Variants in VEPH1 observed in about 807,000 individuals in gnomAD.
The protein encoded by VEPH1 is ventricular zone expressed PH domain containing 1.
Under a neutral mutation model 85.2 loss-of-function variants are expected in VEPH1, and 80 were observed. That is an observed-to-expected ratio of 0.94 (90% CI 0.78 to 1.13). VEPH1 has a LOEUF of 1.13. VEPH1 is among the 50% of genes most tolerant of loss of function. The pLI, the probability that VEPH1 is intolerant of heterozygous loss-of-function variation, is 0.00. For missense variants in VEPH1, 955 were observed against 980.5 expected (o/e 0.97, Z 0.35); for synonymous variants, 297 against 348.0 (o/e 0.85, Z 1.63).
rs898358776 is a variant in VEPH1, at chr3:157,363,822, G to T, written c.1338-61C>A. On this transcript the variant is annotated intron_variant, in intron 8 of 13. Transcript: ENST00000362010. ...TGTTACCATTCACTGACAAGGAAAA[G>T]AAATAATAATAATATTGGGACAAAA... The T allele has an allele frequency of 2.8e-5, 43 of 1,548,956 alleles. No homozygotes were observed. The East Asian group carries it at 3.6e-4, about 13-fold the overall frequency.
At chr3:157,301,654 T>C (rs1399405338) in intron 11 of VEPH1, among the ~76,000 whole-genome samples, 3 of 152,240 alleles carry the variant, frequency 2.0e-5, no homozygotes, top group African/African-American at 4.8e-5. Context: ...TGGACACTTA[T>C]CTTGATTTGG....
chr3:157,306,815 A>G (rs1719560523), intron 11 of VEPH1, among the ~76,000 whole-genome samples: 1 of 152,024 alleles, frequency 6.6e-6, no homozygotes, highest in Non-Finnish European at 1.5e-5. Context: ...TGCACCCTTC[A>G]TCTAAATAAT....
intron 2 of VEPH1, 24 bp downstream of exon 2, chr3:157,495,188 T>C (rs1376889020): frequency 2.5e-6 from 4 of 1,610,418 alleles, no homozygotes; most frequent in Non-Finnish European, 8.5e-7. Flanking sequence ...TTCAGAGATG[T>C]AGTCTATAAA....
intron 2 of VEPH1, chr3:157,493,277 C>T (rs1387191109): frequency 2.2e-6 from 1 of 456,308 alleles, no homozygotes; most frequent in East Asian, 7.0e-5. Flanking sequence ...TAGACGATCC[C>T]TTCCTGTTCT....
intron 9 of VEPH1, among the ~76,000 whole-genome samples, chr3:157,330,824 G>T (rs554950574): frequency 6.6e-6 from 1 of 152,296 alleles, no homozygotes; most frequent in Non-Finnish European, 1.5e-5. Flanking sequence ...GGTTAACTGA[G>T]GTTCCGAGGC....
intron 6 of VEPH1, among the ~76,000 whole-genome samples, chr3:157,387,857 T>C (rs1457328242): frequency 6.6e-6 from 1 of 152,190 alleles, no homozygotes; most frequent in East Asian, 1.9e-4. Flanking sequence ...CCTTGGATGA[T>C]TCAGATGTGC....
intron 12 of VEPH1, among the ~76,000 whole-genome samples, chr3:157,268,357 G>C (rs1287706330): frequency 6.6e-6 from 1 of 152,030 alleles, no homozygotes; most frequent in African/African-American, 2.4e-5. Flanking sequence ...AGACTATCTG[G>C]GATGAGGAAA....
chr3:157,277,088 G>A (rs1715496681), intron 12 of VEPH1, among the ~76,000 whole-genome samples: 1 of 152,060 alleles, frequency 6.6e-6, no homozygotes, highest in Non-Finnish European at 1.5e-5. Flanking sequence ...ATGGGGTTAT[G>A]CCATATTGCT....
intron 2 of VEPH1, among the ~76,000 whole-genome samples, chr3:157,484,083 T>C (rs1205323519): frequency 2.6e-5 from 4 of 152,014 alleles, no homozygotes; most frequent in African/African-American, 9.7e-5. Flanking sequence ...AAATATTAAC[T>C]AGAGAGAAAA....
intron 9 of VEPH1, among the ~76,000 whole-genome samples, chr3:157,342,134 CA>C (rs1256085165): frequency 6.6e-6 from 1 of 152,138 alleles, no homozygotes; most frequent in Non-Finnish European, 1.5e-5. Context: ...GCAAAATAAC[CA>C]GCTAACATCA....
chr3:157,480,442 C>G (rs1737929230), intron 2 of VEPH1, among the ~76,000 whole-genome samples: 2 of 151,980 alleles, frequency 1.3e-5, no homozygotes, highest in Admixed American at 6.6e-5. Context: ...GTTTTTCATT[C>G]CTTACCTTCT....
intron 2 of VEPH1, among the ~76,000 whole-genome samples, chr3:157,477,291 C>A (rs1421500888): frequency 6.6e-6 from 1 of 151,882 alleles, no homozygotes; most frequent in Non-Finnish European, 1.5e-5. Context: ...TCAACCTCTG[C>A]TTTTATCATT....
intron 9 of VEPH1, among the ~76,000 whole-genome samples, chr3:157,363,042 G>A (rs577271392): frequency 2.0e-5 from 3 of 152,162 alleles, no homozygotes; most frequent in South Asian, 2.1e-4. Context: ...CCCCAGAGCC[G>A]GCTTCAGGGT....
At chr3:157,363,886 G>A (rs1174522992) in intron 8 of VEPH1, 125 bp from the exon 9 acceptor site, 2 of 1,097,328 alleles carry the variant, frequency 1.8e-6, no homozygotes, top group East Asian at 5.1e-5. Context: ...TAACAGGCCT[G>A]ATAAATGTAT....
intron 6 of VEPH1, among the ~76,000 whole-genome samples, chr3:157,383,405 C>T (rs1577515428): frequency 6.6e-6 from 1 of 152,234 alleles, no homozygotes; most frequent in African/African-American, 2.4e-5. Context: ...GTGGATTCTA[C>T]ACCCAGTGTG....
At chr3:157,302,574 C>T (rs539855959) in intron 11 of VEPH1, among the ~76,000 whole-genome samples, 12 of 152,184 alleles carry the variant, frequency 7.9e-5, no homozygotes, top group South Asian at 4.1e-4. Context: ...AAAGTGGGCC[C>T]GCACTAGACA....
At chr3:157,416,925 GA>G (rs1360516921) in intron 5 of VEPH1, among the ~76,000 whole-genome samples, 1 of 151,874 alleles carries the variant, frequency 6.6e-6, no homozygotes, top group African/African-American at 2.4e-5. Flanking sequence ...GAAAGAGAAA[GA>G]AAGAAGAGAG....
intron 13 of VEPH1, among the ~76,000 whole-genome samples, chr3:157,262,125 A>G (rs1160237577): frequency 6.6e-6 from 1 of 152,122 alleles, no homozygotes; most frequent in Non-Finnish European, 1.5e-5. Context: ...TCACTTTGCA[A>G]TGAAAAAGCA....
At chr3:157,355,687 A>G (rs1438223236) in intron 9 of VEPH1, among the ~76,000 whole-genome samples, 1 of 152,208 alleles carries the variant, frequency 6.6e-6, no homozygotes, top group Non-Finnish European at 1.5e-5. Flanking sequence ...AGTAGTTTTT[A>G]CTTACATGTA....
Sources: gnomAD v4.1 joint callset for allele counts (sites outside exome capture counted in the v4.1 genomes callset) on GRCh38, gnomAD v4.1.1 for gene constraint, MANE v1.5 for transcripts, NCBI Gene and HGNC (gene_info 2026-07-23, HGNC 2026-07-21) for gene names.